The following XPR1 variants were observed in gnomAD, a reference collection of about 807,000 sequenced individuals.
XPR1 encodes xenotropic and polytropic retrovirus receptor 1.
In XPR1, 28 loss-of-function variants were observed where a neutral mutation model predicts 87.5. That is an observed-to-expected ratio of 0.32 (90% CI 0.24 to 0.44). XPR1 has a LOEUF of 0.44. XPR1 is among the 20% of genes least tolerant of loss of function. The probability of loss-of-function intolerance (pLI) is 1.00; values close to 1 mark genes in which losing one functional copy is unlikely to be tolerated. For synonymous variants in XPR1, 300 were observed against 306.1 expected (o/e 0.98, Z 0.21); for missense variants, 559 against 862.3 (o/e 0.65, Z 4.41).
chr1:180,714,883 T>C (rs1004731161), intron 2 of XPR1, among the ~76,000 whole-genome samples: 3 of 152,114 alleles, frequency 2.0e-5, no homozygotes, highest in Non-Finnish European at 4.4e-5. Context: ...TGATATACAG[T>C]AGTATGCTAT....
chr1:180,760,022 A>C (rs959826478), intron 2 of XPR1, among the ~76,000 whole-genome samples: 3 of 152,236 alleles, frequency 2.0e-5, no homozygotes, highest in Non-Finnish European at 4.4e-5. Flanking sequence ...TCACATGATT[A>C]TCTCAATAGA....
chr1:180,671,088 T>A (rs1419228748), intron 1 of XPR1, among the ~76,000 whole-genome samples: 1 of 152,216 alleles, frequency 6.6e-6, no homozygotes, highest in African/African-American at 2.4e-5. Context: ...TTTTGAGGGT[T>A]AGATTATGAA....
intron 3 of XPR1, among the ~76,000 whole-genome samples, chr1:180,790,106 A>G (rs1446361133): frequency 6.6e-6 from 1 of 152,114 alleles, no homozygotes; most frequent in Non-Finnish European, 1.5e-5. Flanking sequence ...GTATAATACC[A>G]TGCAGATATA....
chr1:180,745,974 A>G (rs1212411545), intron 2 of XPR1, among the ~76,000 whole-genome samples: 1 of 152,178 alleles, frequency 6.6e-6, no homozygotes, highest in South Asian at 2.1e-4. Context: ...TTATCATCTC[A>G]TAGTTCTGGA....
intron 1 of XPR1, among the ~76,000 whole-genome samples, chr1:180,656,456 T>C (rs1571686327): frequency 3.0e-4 from 1 of 3,338 alleles, no homozygotes; most frequent in Non-Finnish European, 6.4e-4. Flanking sequence ...TATTTATATA[T>C]TTATATATAA....
intron 3 of XPR1, among the ~76,000 whole-genome samples, chr1:180,791,584 TA>T (rs201299102): frequency 2.0e-5 from 3 of 146,434 alleles, no homozygotes; most frequent in East Asian, 1.9e-4. Flanking sequence ...TGAGTTATAG[TA>T]AAAAAAAATG....
chr1:180,809,019 A>C (rs556421407), intron 6 of XPR1, among the ~76,000 whole-genome samples: 1 of 152,340 alleles, frequency 6.6e-6, no homozygotes, highest in South Asian at 2.1e-4. Context: ...AATGTCTATC[A>C]GTAGGTGAAT....
intron 13 of XPR1, 34 bp downstream of exon 13, chr1:180,873,976 CT>C (rs748583264): frequency 3.1e-6 from 5 of 1,588,844 alleles, no homozygotes; most frequent in Non-Finnish European, 4.3e-6. Context: ...ATTAAAGATT[CT>C]TTTTAACCTA....
At chr1:180,788,276 A>G (rs1281830774) in intron 3 of XPR1, among the ~76,000 whole-genome samples, 1 of 152,204 alleles carries the variant, frequency 6.6e-6, no homozygotes, top group Non-Finnish European at 1.5e-5. Flanking sequence ...CCAGAGTGGC[A>G]TCTACAGTAT....
chr1:180,792,829 C>CT (rs1649436670), intron 3 of XPR1, among the ~76,000 whole-genome samples: 1 of 151,722 alleles, frequency 6.6e-6, no homozygotes, highest in Admixed American at 6.6e-5. Context: ...CAACTGATCA[C>CT]TTTTTTCAAA....
At chr1:180,691,767 A>G (rs1177002851) in intron 2 of XPR1, among the ~76,000 whole-genome samples, 1 of 152,098 alleles carries the variant, frequency 6.6e-6, no homozygotes, top group African/African-American at 2.4e-5. Flanking sequence ...TAAATTATTC[A>G]TTCTTATTAT....
At chr1:180,720,963 G>C (rs1231405853) in intron 2 of XPR1, among the ~76,000 whole-genome samples, 2 of 152,112 alleles carry the variant, frequency 1.3e-5, no homozygotes, top group Non-Finnish European at 2.9e-5. Flanking sequence ...GGCCAGGCGT[G>C]GTGACTCATG....
chr1:180,811,877 C>T (rs1650228713), intron 7 of XPR1, among the ~76,000 whole-genome samples: 1 of 152,118 alleles, frequency 6.6e-6, no homozygotes, highest in African/African-American at 2.4e-5. Flanking sequence ...GAGACCCTCT[C>T]GCATCCTTTT....
chr1:180,826,395 A>G (rs1478513822), intron 9 of XPR1, among the ~76,000 whole-genome samples: 4 of 152,068 alleles, frequency 2.6e-5, no homozygotes, highest in African/African-American at 9.7e-5. Context: ...CAAAAATTAA[A>G]AAATTAGCTG....
intron 1 of XPR1, among the ~76,000 whole-genome samples, chr1:180,643,484 G>C (rs1655019745): frequency 6.6e-6 from 1 of 152,140 alleles, no homozygotes; most frequent in African/African-American, 2.4e-5. Flanking sequence ...TTGTCAGACA[G>C]AGTAGTAGAT....
At position 180,710,300 on chromosome 1, in the gene XPR1, A is replaced by T. The variant is rs1657718153; in HGVS notation, c.121+27889A>T. Among the ~76,000 whole-genome samples, 3 of 151,494 alleles carry T rather than the reference A, an allele frequency of 2.0e-5. No homozygotes were observed. In the South Asian group the frequency reaches 6.3e-4, roughly 32 times the overall value. On this transcript the variant is annotated intron_variant, in intron 2 of 14. Coordinates refer to ENST00000367590, the MANE Select transcript of XPR1 (RefSeq NM_004736.4). Reference sequence around the variant, plus strand: ...AATAGTGTAGGGAAGGTCAGCAGATAAACAAGTGAACAAAGGTCTCTGGTT... The same window carrying T: ...AATAGTGTAGGGAAGGTCAGCAGATTAACAAGTGAACAAAGGTCTCTGGTT...
chr1:180,875,694 A>G (rs958174358), intron 13 of XPR1, among the ~76,000 whole-genome samples: 1 of 152,096 alleles, frequency 6.6e-6, no homozygotes, highest in African/African-American at 2.4e-5. Context: ...CCCAAAAGAA[A>G]GTAGAAGTAA....
rs1202163302 is a variant in XPR1, at chr1:180,884,511, T to G, written c.*445T>G. 1.3e-5 allele frequency: 2 copies of G among 153,122 alleles called. No individual in the cohort carries two copies. Among genetic ancestry groups the G allele is most frequent in the Non-Finnish European group, 1.5e-5 (1 of 68,438 alleles). 9.5% of individuals were successfully genotyped at this position (153,122 alleles called of 1,614,324 possible). A position where few individuals can be genotyped will look rare whatever the true frequency, so the allele number is the denominator to read the frequency against. On this transcript the variant is annotated 3_prime_UTR_variant, in exon 15 of 15. Coordinates refer to ENST00000367590, the MANE Select transcript of XPR1 (RefSeq NM_004736.4). ...TTTTTTGTCAGTTTATGTGGAGAAT[T>G]TTTTTCTTTCCTTCATACCCAGCGC...
rs1238943750 is a variant in XPR1 at position 180,803,566 on chromosome 1, C to T, written c.402C>T (p.Ala134=). Residue 134 remains alanine, a synonymous_variant, in exon 4 of 15, where the codon GCC becomes GCT. Coordinates refer to ENST00000367590, the MANE Select transcript of XPR1 (RefSeq NM_004736.4). ...GAAATATTAAAGACCTTAAACTGGCCTTCAGTGAGTTCTACCTCAGTCTAA... is the reference window on the plus strand; with the variant it reads ...GAAATATTAAAGACCTTAAACTGGCTTTCAGTGAGTTCTACCTCAGTCTAA... ...QHRNIKDLKL[A]FSEFYLSLIL... is the part of the protein sequence containing the mutation. 2 of 1,613,206 alleles carry T rather than the reference C, an allele frequency of 1.2e-6. No individual in the cohort carries two copies.
Sources: gnomAD v4.1 joint callset for allele counts (sites outside exome capture counted in the v4.1 genomes callset) on GRCh38, gnomAD v4.1.1 for gene constraint, MANE v1.5 for transcripts, NCBI Gene and HGNC (gene_info 2026-07-23, HGNC 2026-07-21) for gene names.